LDLRAD3: variants seen among roughly 807,000 people sequenced by gnomAD.
The protein encoded by LDLRAD3 is low-density lipoprotein receptor class A domain-containing protein 3.
In LDLRAD3, 20 loss-of-function variants were observed where a neutral mutation model predicts 29.4. The ratio of observed to expected loss-of-function variants is 0.68; its 90% CI spans 0.48 to 0.99. The LOEUF is 0.99. LDLRAD3 is among the 50% of genes least tolerant of loss of function. The pLI is 0.00. For missense variants in LDLRAD3, 420 were observed against 454.3 expected (o/e 0.92, Z 0.69); for synonymous variants, 157 against 192.7 (o/e 0.81, Z 1.53).
chr11:36,133,850 G>A (rs1208054414), intron 4 of LDLRAD3, among the ~76,000 whole-genome samples: 2 of 151,894 alleles, frequency 1.3e-5, no homozygotes, highest in Admixed American at 6.6e-5. Context: ...TTTCTACATC[G>A]AAGGATAAAA....
Position 36,030,275 on chromosome 11 carries a change from G to A in LDLRAD3, c.47-5828G>A, listed in dbSNP as rs565370315. ...AGCAGGAAGCAGTTTGATGGGAACC[G>A]AATGGGAAGTGCACAGGACAGATGT... On this transcript the variant is annotated intron_variant, in intron 1 of 5. Transcript: ENST00000315571. Among the ~76,000 whole-genome samples the A allele has an allele frequency of 4.6e-5, 7 of 152,328 alleles. No homozygotes were observed. In the South Asian group the frequency reaches 6.2e-4, roughly 14 times the overall value.
At chr11:36,212,480 G>A (rs899475184) in intron 4 of LDLRAD3, among the ~76,000 whole-genome samples, 7 of 151,752 alleles carry the variant, frequency 4.6e-5, no homozygotes. Context: ...CTGAGTTTTA[G>A]TGGCAATCTG....
intron 4 of LDLRAD3, among the ~76,000 whole-genome samples, chr11:36,174,660 A>G (rs964096951): frequency 1.3e-5 from 2 of 152,178 alleles, no homozygotes; most frequent in African/African-American, 4.8e-5. Flanking sequence ...CAAAACCACA[A>G]TGAGATACCA....
intron 1 of LDLRAD3, among the ~76,000 whole-genome samples, chr11:35,982,947 A>C (rs540515929): frequency 8.0e-4 from 116 of 144,702 alleles, no homozygotes; most frequent in African/African-American, 2.8e-3. Flanking sequence ...TCTGCTTCCC[A>C]GATTCAAGTG....
intron 2 of LDLRAD3, among the ~76,000 whole-genome samples, chr11:36,081,427 G>T (rs1853111797): frequency 1.3e-5 from 2 of 152,210 alleles, no homozygotes; most frequent in South Asian, 4.1e-4. Flanking sequence ...CAGGGGCTAT[G>T]TTATCCTCTT....
intron 1 of LDLRAD3, among the ~76,000 whole-genome samples, chr11:35,969,776 A>G (rs1851389482): frequency 6.6e-6 from 1 of 152,170 alleles, no homozygotes; most frequent in Admixed American, 6.5e-5. Flanking sequence ...GAGGCCCCTT[A>G]TTGGCAGAAC....
chr11:36,187,715 C>T (rs1854873565), intron 4 of LDLRAD3, among the ~76,000 whole-genome samples: 1 of 152,110 alleles, frequency 6.6e-6, no homozygotes, highest in Non-Finnish European at 1.5e-5. Context: ...CTGGTTTTAG[C>T]AACAAGGACA....
chr11:36,191,192 C>G (rs1375192975), intron 4 of LDLRAD3, among the ~76,000 whole-genome samples: 1 of 152,026 alleles, frequency 6.6e-6, no homozygotes, highest in Non-Finnish European at 1.5e-5. Flanking sequence ...AGCCCTTTGT[C>G]CAGACAGTGG....
chr11:36,051,623 G>A (rs73450464), intron 2 of LDLRAD3, among the ~76,000 whole-genome samples: 12,197 of 152,002 alleles, frequency 0.08, 805 homozygotes, highest in African/African-American at 0.16. Flanking sequence ...TGGTAAAAAA[G>A]GTTGTAAACG....
chr11:36,173,399 AT>A (rs1168495328), intron 4 of LDLRAD3, among the ~76,000 whole-genome samples: 1 of 133,858 alleles, frequency 7.5e-6, no homozygotes, highest in East Asian at 2.3e-4. Flanking sequence ...AAGTATTATC[AT>A]TGTTCAATTC....
chr11:36,149,872 A>G (rs1854252131), intron 4 of LDLRAD3, among the ~76,000 whole-genome samples: 2 of 151,988 alleles, frequency 1.3e-5, no homozygotes, highest in African/African-American at 4.8e-5. Flanking sequence ...ACTGTTCCTC[A>G]TGACTCATGT....
intron 1 of LDLRAD3, among the ~76,000 whole-genome samples, chr11:35,949,214 T>C (rs940523285): frequency 2.6e-5 from 4 of 152,172 alleles, no homozygotes; most frequent in Non-Finnish European, 2.9e-5. Flanking sequence ...GCTTTCCTCT[T>C]GTGTCAGAGT....
intron 1 of LDLRAD3, among the ~76,000 whole-genome samples, chr11:35,973,259 T>A (rs1851437812): frequency 6.6e-6 from 1 of 152,114 alleles, no homozygotes; most frequent in Non-Finnish European, 1.5e-5. Flanking sequence ...TTATTCTGTG[T>A]GTATGGTTCA....
At chr11:36,123,610 C>G (rs1853792480) in intron 4 of LDLRAD3, among the ~76,000 whole-genome samples, 1 of 152,208 alleles carries the variant, frequency 6.6e-6, no homozygotes, top group Non-Finnish European at 1.5e-5. Flanking sequence ...GGTGGCATGG[C>G]CAAGTGCACG....
At chr11:36,227,025 C>A in intron 4 of LDLRAD3, 60 bp from the exon 5 acceptor site, 1 of 1,339,828 alleles carries the variant, frequency 7.5e-7, no homozygotes, top group Non-Finnish European at 1.0e-6. Context: ...GATGTTGAAA[C>A]ACAAAGATTA....
chr11:36,016,627 G>A (rs1852026347), intron 1 of LDLRAD3, among the ~76,000 whole-genome samples: 1 of 152,300 alleles, frequency 6.6e-6, no homozygotes, highest in Non-Finnish European at 1.5e-5. Flanking sequence ...AATTGGTTCT[G>A]AAGAAAAGAT....
intron 1 of LDLRAD3, among the ~76,000 whole-genome samples, chr11:35,976,360 G>T (rs942335479): frequency 2.0e-5 from 3 of 152,116 alleles, no homozygotes; most frequent in African/African-American, 7.2e-5. Context: ...TCATATCTTG[G>T]TGGGAAAGGA....
At chr11:35,990,123 T>TG (rs138597720) in intron 1 of LDLRAD3, among the ~76,000 whole-genome samples, 1 of 152,110 alleles carries the variant, frequency 6.6e-6, no homozygotes, top group Non-Finnish European at 1.5e-5. Context: ...TATAAAGGCA[T>TG]GGGGGGTGGT....
chr11:35,983,904 C>T (rs1851576191), intron 1 of LDLRAD3, among the ~76,000 whole-genome samples: 4 of 152,152 alleles, frequency 2.6e-5, no homozygotes, highest in Admixed American at 2.6e-4. Context: ...GGATTACAGG[C>T]GTGAGCCACT....
Sources: allele counts gnomAD v4.1 joint callset (sites outside exome capture counted in the v4.1 genomes callset), GRCh38; gene constraint gnomAD v4.1.1; transcripts MANE v1.5; gene names NCBI Gene and HGNC (gene_info 2026-07-23, HGNC 2026-07-21).